The following HRH1 variants were observed in gnomAD, a reference collection of about 807,000 sequenced individuals.
The protein encoded by HRH1 is histamine receptor H1.
Under a neutral mutation model 10.3 loss-of-function variants are expected in HRH1, and 6 were observed. The ratio of observed to expected loss-of-function variants is 0.58; its 90% CI spans 0.32 to 1.15. The LOEUF (loss-of-function observed/expected upper bound fraction) is 1.15, where lower values mean the gene tolerates loss of function less well. Among genes scored for constraint, HRH1 ranks in the 50% most tolerant of loss-of-function variants. The probability of loss-of-function intolerance (pLI) is 0.05; values close to 1 mark genes in which losing one functional copy is unlikely to be tolerated. For missense variants in HRH1, 514 were observed against 615.3 expected, an observed-to-expected ratio of 0.84 and a Z score of 1.74; for synonymous variants, 242 against 236.7, an observed-to-expected ratio of 1.02 and a Z score of -0.21.
chr3:11,166,406 T>G (rs1394575333), intron 1 of HRH1, among the ~76,000 whole-genome samples: 1 of 152,248 alleles, frequency 6.6e-6, no homozygotes, highest in African/African-American at 2.4e-5. Flanking sequence ...TATTGAGCAC[T>G]TCCGGTGTAT....
At chr3:11,176,098 C>T (rs57861780) in intron 1 of HRH1, among the ~76,000 whole-genome samples, 22,788 of 150,238 alleles carry the variant, frequency 0.15, 3,252 homozygotes, top group African/African-American at 0.38. Context: ...ACTTGGGCCC[C>T]GGGAGGTTGA....
intron 1 of HRH1, among the ~76,000 whole-genome samples, chr3:11,222,927 C>T (rs1218497274): frequency 6.6e-6 from 1 of 152,048 alleles, no homozygotes; most frequent in African/African-American, 2.4e-5. Flanking sequence ...TGGCTCACGC[C>T]TGTAATCCTA....
At chr3:11,147,940 G>A (rs1198172336) in intron 1 of HRH1, among the ~76,000 whole-genome samples, 3 of 152,086 alleles carry the variant, frequency 2.0e-5, no homozygotes, top group Non-Finnish European at 4.4e-5. Context: ...CCAGCACTTT[G>A]AGAGGCCAAG....
At chr3:11,258,565 G>A (rs1339173912) in intron 1 of HRH1, among the ~76,000 whole-genome samples, 1 of 152,094 alleles carries the variant, frequency 6.6e-6, no homozygotes, top group Non-Finnish European at 1.5e-5. Flanking sequence ...CCTATTCCTT[G>A]GCCATGGTGG....
At chr3:11,155,890 G>T (rs1168907008) in intron 1 of HRH1, among the ~76,000 whole-genome samples, 1 of 152,184 alleles carries the variant, frequency 6.6e-6, no homozygotes, top group Non-Finnish European at 1.5e-5. Flanking sequence ...TTCTTGGAAG[G>T]TAAGTACTAT....
At chr3:11,232,171 A>G (rs759441473) in intron 1 of HRH1, among the ~76,000 whole-genome samples, 5 of 152,042 alleles carry the variant, frequency 3.3e-5, no homozygotes, top group Non-Finnish European at 5.9e-5. Flanking sequence ...TATTTTTAGT[A>G]GAGACAGGGT....
intron 1 of HRH1, among the ~76,000 whole-genome samples, chr3:11,178,685 A>C (rs1010791853): frequency 2.6e-5 from 4 of 151,792 alleles, no homozygotes; most frequent in African/African-American, 9.7e-5. Flanking sequence ...GGTTGGGCCA[A>C]CTCCAAGGTG....
chr3:11,221,072 G>T (rs1938695441), intron 1 of HRH1, among the ~76,000 whole-genome samples: 1 of 152,142 alleles, frequency 6.6e-6, no homozygotes, highest in Non-Finnish European at 1.5e-5. Flanking sequence ...TTGGTTTAAA[G>T]TGTAACAACT....
At chr3:11,213,106 A>G (rs1938381118) in intron 1 of HRH1, among the ~76,000 whole-genome samples, 1 of 152,112 alleles carries the variant, frequency 6.6e-6, no homozygotes, top group Admixed American at 6.6e-5. Context: ...TCCCCATAGC[A>G]TTTATCACCA....
intron 1 of HRH1, among the ~76,000 whole-genome samples, chr3:11,164,412 T>A (rs990184628): frequency 6.6e-6 from 1 of 152,174 alleles, no homozygotes; most frequent in African/African-American, 2.4e-5. Context: ...CTGGTTTAGA[T>A]GCTTCCATGA....
chr3:11,174,137 A>G (rs185151655), intron 1 of HRH1, among the ~76,000 whole-genome samples: 139 of 152,360 alleles, frequency 9.1e-4, no homozygotes, highest in Admixed American at 1.3e-3. Context: ...CAAAATCTCC[A>G]GTAGAAACCT....
chr3:11,183,591 G>A (rs1022025899), intron 1 of HRH1, among the ~76,000 whole-genome samples: 7 of 152,150 alleles, frequency 4.6e-5, no homozygotes, highest in East Asian at 1.9e-4. Context: ...TGCTCTCCCC[G>A]TGGGCCCTGC....
At chr3:11,161,487 T>C (rs1326578718) in intron 1 of HRH1, among the ~76,000 whole-genome samples, 1 of 152,194 alleles carries the variant, frequency 6.6e-6, no homozygotes, top group Non-Finnish European at 1.5e-5. Flanking sequence ...CTGGAGAGTC[T>C]GTGGACGTGA....
intron 1 of HRH1, among the ~76,000 whole-genome samples, chr3:11,194,597 G>T (rs147912366): frequency 5.9e-5 from 9 of 152,324 alleles, no homozygotes; most frequent in South Asian, 4.1e-4. Context: ...GGAGGCTGAG[G>T]TGGGTCAGGA....
Position 11,223,098 on chromosome 3 carries a change from T to G in HRH1, c.-35-35905T>G, listed in dbSNP as rs1938762457. Among the ~76,000 whole-genome samples, 3 of 139,138 alleles carry G rather than the reference T, an allele frequency of 2.2e-5. No individual in the cohort carries two copies. In the South Asian group the frequency reaches 6.7e-4, roughly 31 times the overall value. The allele number at this position is 139,138 out of a possible 152,430, so 91.3% of individuals were successfully genotyped here. A position where few individuals can be genotyped will look rare whatever the true frequency, so the allele number is the denominator to read the frequency against. ...TACTCAGGAAGCTGCGGCAGGAGAATCGCTTGAATCCAGGAGGCAGAGGTT... is the reference window on the plus strand; with the variant it reads ...TACTCAGGAAGCTGCGGCAGGAGAAGCGCTTGAATCCAGGAGGCAGAGGTT... On this transcript the variant is annotated intron_variant, in intron 1 of 1. Transcript: ENST00000431010.
At chr3:11,224,699 CAAAAAA>C (rs60472027) in intron 1 of HRH1, among the ~76,000 whole-genome samples, 1 of 100,540 alleles carries the variant, frequency 9.9e-6, no homozygotes, top group African/African-American at 3.9e-5. Context: ...GACTCCATCT[CAAAAAA>C]AAAAAAAAAA....
intron 1 of HRH1, among the ~76,000 whole-genome samples, chr3:11,219,047 G>A (rs1938609612): frequency 6.6e-6 from 1 of 151,938 alleles, no homozygotes; most frequent in Non-Finnish European, 1.5e-5. Context: ...AAGCTACCAT[G>A]CCCAGCTAAT....
intron 1 of HRH1, among the ~76,000 whole-genome samples, chr3:11,207,371 T>C (rs1195789184): frequency 6.6e-6 from 1 of 151,928 alleles, no homozygotes; most frequent in Admixed American, 6.5e-5. Context: ...CAGACGATCC[T>C]GGCTAACACG....
intron 1 of HRH1, among the ~76,000 whole-genome samples, chr3:11,228,121 AT>A (rs1287045016): frequency 1.3e-5 from 2 of 152,230 alleles, no homozygotes; most frequent in Non-Finnish European, 2.9e-5. Context: ...GGCAGGATTC[AT>A]CTACTTATTC....
Sources: allele counts gnomAD v4.1 joint callset (sites outside exome capture counted in the v4.1 genomes callset), GRCh38; gene constraint gnomAD v4.1.1; transcripts MANE v1.5; gene names NCBI Gene and HGNC (gene_info 2026-07-23, HGNC 2026-07-21).